GON4L: variants seen among roughly 807,000 people sequenced by gnomAD.
GON4L encodes GON-4-like protein.
In GON4L, 87 loss-of-function variants were observed where a neutral mutation model predicts 211.8. The ratio of observed to expected loss-of-function variants is 0.41; its 90% CI spans 0.35 to 0.49. The LOEUF is 0.49. Among genes scored for constraint, GON4L ranks in the 20% least tolerant of loss-of-function variants. The pLI is 0.15. For missense variants in GON4L, 2,155 were observed against 2,659.5 expected, an observed-to-expected ratio of 0.81 and a Z score of 4.17; for synonymous variants, 875 against 962.6, an observed-to-expected ratio of 0.91 and a Z score of 1.68.
Position 155,765,899 on chromosome 1 carries a change from A to G in GON4L, c.3574T>C (p.Cys1192Arg). The change falls in exon 21 of 32, where the codon TGT becomes CGT. Residue 1192 changes from cysteine to arginine, a missense_variant. This residue lies in a region of GON4L where 615 missense variants were observed against 625.7 expected (regional missense o/e 0.98). Coordinates refer to ENST00000368331, the MANE Select transcript of GON4L (RefSeq NM_001282860.2). ...TLLVNPTSFP[C>R]PLNQSLVASS... The stretch of plus-strand genomic sequence containing the variant: ...GCCACAAGGGACTGGTTCAATGGAC[A>G]GGGGAAGGAAGTAGGGTTAACCAAG... 1 of 1,614,196 alleles carries G rather than the reference A, an allele frequency of 6.2e-7. No individual in the cohort carries two copies. Among genetic ancestry groups the G allele is most frequent in the Non-Finnish European group, 8.5e-7 (1 of 1,180,030 alleles).
At chr1:155,772,361 C>T (rs117582631) in intron 18 of GON4L, among the ~76,000 whole-genome samples, 7 of 151,842 alleles carry the variant, frequency 4.6e-5, no homozygotes, top group African/African-American at 1.7e-4. Context: ...CAACTTAAAC[C>T]GGCACCAATA....
At position 155,752,143 on chromosome 1, in the gene GON4L, G is replaced by C. The variant is rs1419540853; in HGVS notation, c.6290C>G (p.Ser2097Cys). 2 of 1,613,266 alleles carry C rather than the reference G, an allele frequency of 1.2e-6. No individual in the cohort carries two copies. Among genetic ancestry groups the C allele is most frequent in the Non-Finnish European group, 1.7e-6 (2 of 1,179,412 alleles). Residue 2097 changes from serine to cysteine, a missense_variant, in exon 30 of 32, where the codon TCT becomes TGT. By Grantham distance (112) the Ser-to-Cys change is moderately radical. This residue lies in a region of GON4L where 186 missense variants were observed against 308.1 expected (regional missense o/e 0.60). Coordinates refer to ENST00000368331, the MANE Select transcript of GON4L (RefSeq NM_001282860.2). ...CTCTGAGGTGTCAATTCCTGATGGA[G>C]ATTCATGGACAGGGCACGTCCTGTC... ...TRDRTCPVHE[S>C]PSGIDTSETS...
chr1:155,795,470 G>C (rs1018427452), intron 11 of GON4L, among the ~76,000 whole-genome samples: 1 of 152,148 alleles, frequency 6.6e-6, no homozygotes, highest in African/African-American at 2.4e-5. Flanking sequence ...GTGAAAAAAG[G>C]AGTGGCCCAA....
Position 155,826,849 on chromosome 1 carries a change from A to G in GON4L, c.685T>C (p.Phe229Leu). Reference sequence around the variant, plus strand: ...AAAGAAAGCCTACCCATTGGAATGAAGAGTCCACCATCTTCTATCTCTTCC... The same window carrying G: ...AAAGAAAGCCTACCCATTGGAATGAGGAGTCCACCATCTTCTATCTCTTCC... ...PEEEIEDGGLFIPMEEQDNEE... is the reference protein window; with the variant it reads ...PEEEIEDGGLLIPMEEQDNEE... The change falls in exon 3 of 32, where the codon TTC becomes CTC. Residue 229 changes from phenylalanine (F) to leucine (L), a missense_variant. Physicochemically the swap from Phe to Leu is conservative, Grantham distance 22. Coordinates refer to ENST00000368331, the MANE Select transcript of GON4L (RefSeq NM_001282860.2). 6.2e-7 allele frequency: 1 copy of G among 1,608,644 alleles called. No individual in the cohort carries two copies. The highest frequency in any genetic ancestry group is 8.5e-7 in the Non-Finnish European group (1 of 1,175,266).
In GON4L at chr1:155,822,459, C is replaced by T. The variant is rs1403635563; in HGVS notation, c.715G>A (p.Glu239Lys). Residue 239 changes from glutamate to lysine, a missense_variant, in exon 4 of 32, where the codon GAA becomes AAA. Glu to Lys is a moderately conservative substitution (Grantham distance 56). Coordinates refer to ENST00000368331, the MANE Select transcript of GON4L (RefSeq NM_001282860.2). Reference sequence around the variant, plus strand: ...TTCTTTTTTCTCCTTTTCTCACTTTCTTCATTGTCTTGTTCTTCTGCAAAT... The same window carrying T: ...TTCTTTTTTCTCCTTTTCTCACTTTTTTCATTGTCTTGTTCTTCTGCAAAT... ...FIPMEEQDNE[E>K]SEKRRKKKKG... 2 of 1,613,066 alleles carry T rather than the reference C, an allele frequency of 1.2e-6. No individual in the cohort carries two copies. The highest frequency in any genetic ancestry group is 2.2e-5 in the East Asian group (1 of 44,884).
chr1:155,769,554 C>T (rs559170284), intron 19 of GON4L, among the ~76,000 whole-genome samples: 2 of 152,142 alleles, frequency 1.3e-5, no homozygotes, highest in East Asian at 3.9e-4. Context: ...TCTAGAAGGC[C>T]AGACACGCTG....
At chr1:155,769,328 T>G (rs777650705) in intron 19 of GON4L, among the ~76,000 whole-genome samples, 1 of 152,140 alleles carries the variant, frequency 6.6e-6, no homozygotes, top group Non-Finnish European at 1.5e-5. Context: ...TACTAGAATG[T>G]GTTTCACTAA....
chr1:155,851,050 C>T (rs1671730469), intron 2 of GON4L, among the ~76,000 whole-genome samples: 1 of 36,142 alleles, frequency 2.8e-5, no homozygotes, highest in African/African-American at 8.5e-5. Context: ...GAGACTCCAC[C>T]TCAAAAAAAA....
At chr1:155,762,765 C>A (rs778515591) in intron 22 of GON4L, among the ~76,000 whole-genome samples, 1 of 152,168 alleles carries the variant, frequency 6.6e-6, no homozygotes, top group Admixed American at 6.5e-5. Flanking sequence ...CTGCCAGGCA[C>A]AGTGGCTCAC....
At chr1:155,812,769 C>T (rs901347092) in intron 10 of GON4L, among the ~76,000 whole-genome samples, 1 of 152,074 alleles carries the variant, frequency 6.6e-6, no homozygotes, top group Non-Finnish European at 1.5e-5. Context: ...GTTGGCCAGG[C>T]TGGTCTCGAA....
At chr1:155,852,888 G>A (rs936535242) in intron 2 of GON4L, among the ~76,000 whole-genome samples, 6 of 152,176 alleles carry the variant, frequency 3.9e-5, no homozygotes, top group South Asian at 2.1e-4. Flanking sequence ...CAAGGCAAAC[G>A]TATCACCTGA....
intron 3 of GON4L, among the ~76,000 whole-genome samples, chr1:155,825,738 A>C (rs1669145529): frequency 3.3e-5 from 5 of 151,804 alleles, no homozygotes; most frequent in Admixed American, 3.3e-4. Flanking sequence ...CTCTACAAAA[A>C]AAATTTTTTA....
intron 6 of GON4L, among the ~76,000 whole-genome samples, chr1:155,817,471 G>A (rs1485944061): frequency 6.6e-6 from 1 of 152,114 alleles, no homozygotes; most frequent in Non-Finnish European, 1.5e-5. Context: ...GCCCTGCTAT[G>A]TTCTGACCAT....
At position 155,751,823 on chromosome 1, in the gene GON4L, G is replaced by A; in HGVS notation, c.6520C>T (p.Gln2174Ter). ...ILTMCQEQGA[Q>*]PQTFNIISQQ... is the part of the protein sequence containing the mutation. ...GAGATGATGTTGAAGGTCTGTGGCT[G>A]TGCCCCTTGCTCCTGGCACATGGTG... The change falls in exon 31 of 32, where the codon CAG (glutamine) becomes TAG (stop). Residue 2174 changes from glutamine (Q) to a stop codon, truncating the protein, a stop_gained. Transcript: ENST00000368331. LOFTEE classifies it high-confidence loss of function. 6.2e-7 allele frequency: 1 copy of A among 1,613,742 alleles called. No homozygotes were observed. Among genetic ancestry groups the A allele is most frequent in the Non-Finnish European group, 8.5e-7 (1 of 1,179,714 alleles).
chr1:155,775,436 T>C (rs1019743974), intron 16 of GON4L, among the ~76,000 whole-genome samples: 10 of 152,004 alleles, frequency 6.6e-5, no homozygotes, highest in Non-Finnish European at 1.3e-4. Context: ...AGAAGTAAGA[T>C]TATGAAGAAT....
chr1:155,847,375 G>A (rs1671347030), intron 2 of GON4L, among the ~76,000 whole-genome samples: 1 of 152,156 alleles, frequency 6.6e-6, no homozygotes, highest in Non-Finnish European at 1.5e-5. Flanking sequence ...TTCAAGACCA[G>A]CCTGGCCAAC....
intron 2 of GON4L, chr1:155,846,632 T>G (rs938942182): frequency 6.6e-6 from 1 of 151,930 alleles, no homozygotes; most frequent in South Asian, 2.1e-4. Flanking sequence ...GTAAAACATA[T>G]AGATTTTTTA....
At chr1:155,750,818 C>T (rs973285041) in intron 31 of GON4L, 85 bp from the exon 32 acceptor site, 79 of 1,326,900 alleles carry the variant, frequency 6.0e-5, no homozygotes, top group Non-Finnish European at 7.9e-5. Flanking sequence ...GACTGGAGTG[C>T]AGTGGCACTG....
rs1490500375 is a variant in GON4L, at chr1:155,814,319, T to G, written c.1281+11A>C. Reference sequence around the variant, plus strand: ...TATGTCTAACATCTCTTTTGTATGATGCCGATTTACCTCTGATAATATGCC... The same window carrying G: ...TATGTCTAACATCTCTTTTGTATGAGGCCGATTTACCTCTGATAATATGCC... On this transcript the variant is annotated intron_variant, in intron 9 of 31. Coordinates refer to ENST00000368331, the MANE Select transcript of GON4L (RefSeq NM_001282860.2). The G allele has an allele frequency of 6.2e-7, 1 of 1,610,920 alleles. No individual in the cohort carries two copies. Among genetic ancestry groups the G allele is most frequent in the Non-Finnish European group, 8.5e-7 (1 of 1,177,596 alleles).
Sources: gnomAD v4.1 joint callset for allele counts (sites outside exome capture counted in the v4.1 genomes callset) on GRCh38, gnomAD v4.1.1 for gene constraint, gnomAD v4.1.1 regional missense constraint, MANE v1.5 for transcripts, NCBI Gene and HGNC (gene_info 2026-07-23, HGNC 2026-07-21) for gene names.